The following GALNT14 variants were observed in gnomAD, a reference collection of about 807,000 sequenced individuals.
GALNT14 encodes polypeptide N-acetylgalactosaminyltransferase 14, also known as UDP-GalNAc:polypeptide N-acetylgalactosaminyltransferase 14.
Under a neutral mutation model 77.5 loss-of-function variants are expected in GALNT14, and 60 were observed. That is an observed-to-expected ratio of 0.77 (90% CI 0.63 to 0.96). The LOEUF is 0.96. Among genes scored for constraint, GALNT14 ranks in the 40% least tolerant of loss-of-function variants. The pLI is 0.00. For synonymous variants in GALNT14, 280 were observed against 281.7 expected, an observed-to-expected ratio of 0.99 and a Z score of 0.06; for missense variants, 710 against 731.0, an observed-to-expected ratio of 0.97 and a Z score of 0.33.
intron 1 of GALNT14, chr2:31,079,156 C>T: frequency 2.4e-6 from 2 of 843,490 alleles, no homozygotes; most frequent in Non-Finnish European, 3.2e-6. Context: ...GAACCCAGTG[C>T]TATTGCCCAG....
chr2:30,960,937 G>A (rs747244381), intron 3 of GALNT14, among the ~76,000 whole-genome samples: 4 of 152,162 alleles, frequency 2.6e-5, no homozygotes, highest in Non-Finnish European at 5.9e-5. Context: ...ACTCTGCCTG[G>A]GATTGTTCTA....
chr2:31,087,974 T>C (rs1308057650), intron 1 of GALNT14, among the ~76,000 whole-genome samples: 1 of 152,208 alleles, frequency 6.6e-6, no homozygotes, highest in Admixed American at 6.5e-5. Context: ...AGCACAATGA[T>C]AGCGGTCTAT....
intron 11 of GALNT14, among the ~76,000 whole-genome samples, chr2:30,926,808 G>C (rs530929603): frequency 6.6e-6 from 1 of 152,112 alleles, no homozygotes; most frequent in Non-Finnish European, 1.5e-5. Context: ...CAGGGTGCAA[G>C]GAAGTCACGA....
At chr2:31,012,186 C>T (rs1371928390) in intron 1 of GALNT14, among the ~76,000 whole-genome samples, 6 of 152,284 alleles carry the variant, frequency 3.9e-5, no homozygotes, top group Admixed American at 6.5e-5. Context: ...TTCTAAGACA[C>T]GGTTGGATCC....
At chr2:30,944,131 C>T (rs1666543348) in intron 8 of GALNT14, among the ~76,000 whole-genome samples, 1 of 152,152 alleles carries the variant, frequency 6.6e-6, no homozygotes. Flanking sequence ...TTAAGTATTC[C>T]CAAGAGGCCC....
intron 1 of GALNT14, among the ~76,000 whole-genome samples, chr2:31,076,612 C>CATATATATAT (rs59824499): frequency 9.1e-5 from 13 of 143,350 alleles, no homozygotes; most frequent in African/African-American, 3.3e-4. Context: ...GGTGTGTATA[C>CATATATATAT]ATATATATAT....
intron 2 of GALNT14, among the ~76,000 whole-genome samples, chr2:30,975,831 T>C (rs1400810748): frequency 6.6e-6 from 1 of 152,238 alleles, no homozygotes; most frequent in Non-Finnish European, 1.5e-5. Flanking sequence ...TGTGAGAAAG[T>C]ATGTATTTTT....
the GALNT14 span, among the ~76,000 whole-genome samples, chr2:30,892,653 A>T: frequency 6.6e-6 from 1 of 152,242 alleles, no homozygotes; most frequent in South Asian, 2.1e-4. Flanking sequence ...CATGCCCATC[A>T]TAAAGGTTTG....
At chr2:30,970,636 T>G (rs1668291552) in intron 2 of GALNT14, among the ~76,000 whole-genome samples, 1 of 151,920 alleles carries the variant, frequency 6.6e-6, no homozygotes, top group Non-Finnish European at 1.5e-5. Flanking sequence ...ACACACCAGG[T>G]GTGTGTCAGT....
chr2:30,998,212 T>A (rs1205225576), intron 1 of GALNT14, among the ~76,000 whole-genome samples: 1 of 152,214 alleles, frequency 6.6e-6, no homozygotes. Context: ...TAAAGCTCGA[T>A]GGCACATCCG....
intron 6 of GALNT14, among the ~76,000 whole-genome samples, chr2:30,953,887 C>T (rs17010509): frequency 0.41 from 62,170 of 151,968 alleles, 13,530 homozygotes; most frequent in East Asian, 0.6. Flanking sequence ...CCATGGCATC[C>T]GGTTTTTTAT....
At chr2:30,980,001 G>A (rs1225481263) in intron 2 of GALNT14, among the ~76,000 whole-genome samples, 2 of 152,190 alleles carry the variant, frequency 1.3e-5, no homozygotes, top group African/African-American at 2.4e-5. Context: ...CACTGCAGTC[G>A]CCTCCTCGCT....
At chr2:30,983,708 C>G (rs902783899) in intron 2 of GALNT14, among the ~76,000 whole-genome samples, 2 of 145,250 alleles carry the variant, frequency 1.4e-5, no homozygotes, top group African/African-American at 5.1e-5. Context: ...ATATAATAAT[C>G]AAACCATCTT....
intron 1 of GALNT14, among the ~76,000 whole-genome samples, chr2:30,997,337 A>C (rs890547344): frequency 3.3e-5 from 5 of 152,208 alleles, no homozygotes; most frequent in Non-Finnish European, 7.3e-5. Flanking sequence ...ACAGGACACC[A>C]GCCTCCTCCC....
At chr2:30,971,887 T>A (rs982541720) in intron 2 of GALNT14, among the ~76,000 whole-genome samples, 5 of 152,152 alleles carry the variant, frequency 3.3e-5, no homozygotes, top group Non-Finnish European at 7.4e-5. Flanking sequence ...GCTCATTACA[T>A]CCTGGCAGCA....
At chr2:31,013,541 A>G (rs744638) in intron 1 of GALNT14, among the ~76,000 whole-genome samples, 101,009 of 152,014 alleles carry the variant, frequency 0.66, 33,803 homozygotes, top group East Asian at 0.82. Context: ...CTGAGTCCAA[A>G]TGTGACCAGA....
chr2:31,075,525 G>A (rs977576881), intron 1 of GALNT14, among the ~76,000 whole-genome samples: 1 of 152,216 alleles, frequency 6.6e-6, no homozygotes, highest in Non-Finnish European at 1.5e-5. Flanking sequence ...TGCAGAATGT[G>A]TGTCACAGCT....
chr2:30,970,719 G>A (rs1401860376), intron 2 of GALNT14, among the ~76,000 whole-genome samples: 4 of 152,050 alleles, frequency 2.6e-5, no homozygotes, highest in Non-Finnish European at 5.9e-5. Context: ...TAAAGAACAG[G>A]GCTGTACCCT....
chr2:31,037,523 G>A (rs148836085), intron 1 of GALNT14, among the ~76,000 whole-genome samples: 1 of 152,230 alleles, frequency 6.6e-6, no homozygotes, highest in East Asian at 1.9e-4. Flanking sequence ...TGACTGCTTT[G>A]TTCCCCTCTT....
Sources: allele counts gnomAD v4.1 joint callset (sites outside exome capture counted in the v4.1 genomes callset), GRCh38; gene constraint gnomAD v4.1.1; transcripts MANE v1.5; gene names NCBI Gene and HGNC (gene_info 2026-07-23, HGNC 2026-07-21).